Variants in GPC5 observed in about 807,000 individuals in gnomAD.
The protein encoded by GPC5 is glypican 5.
Under a neutral mutation model 53.9 loss-of-function variants are expected in GPC5, and 47 were observed. The observed-to-expected ratio is 0.87, with a 90% CI of 0.69 to 1.11. GPC5 has a LOEUF of 1.11. Ranked by LOEUF, GPC5 falls within the 50% of genes most tolerant of loss-of-function variation. The pLI is 0.00. For synonymous variants in GPC5, 286 were observed against 263.3 expected (o/e 1.09, Z -0.84); for missense variants, 748 against 713.1 (o/e 1.05, Z -0.56).
chr13:92,792,872 C>G (rs995205139), intron 7 of GPC5, among the ~76,000 whole-genome samples: 1 of 152,076 alleles, frequency 6.6e-6, no homozygotes, highest in Admixed American at 6.6e-5. Flanking sequence ...CTGCGGCACC[C>G]AGATTCATAA....
In GPC5 at chr13:91,693,655, C is replaced by G; in HGVS notation, c.794C>G (p.Ala265Gly). 1.2e-6 allele frequency: 2 copies of G among 1,614,102 alleles called. No homozygotes were observed. Among genetic ancestry groups the G allele is most frequent in the Non-Finnish European group, 1.7e-6 (2 of 1,179,974 alleles). The stretch of plus-strand genomic sequence containing the variant: ...TACTGCCCGCACTGCCAAGGCCTGG[C>G]GCTCACTAAGCCTTGTATGGGATAC... ...MQYCPHCQGL[A>G]LTKPCMGYCL... Residue 265 changes from alanine (A) to glycine (G), a missense_variant, in exon 3 of 8, where the codon GCG (alanine) becomes GGG (glycine). Transcript: ENST00000377067.
At chr13:92,317,838 T>C (rs1029710503) in intron 7 of GPC5, among the ~76,000 whole-genome samples, 1 of 152,116 alleles carries the variant, frequency 6.6e-6, no homozygotes, top group Non-Finnish European at 1.5e-5. Context: ...GTTAACATTT[T>C]AGTTGGACTC....
chr13:92,368,089 A>G (rs188677854), intron 7 of GPC5, among the ~76,000 whole-genome samples: 92 of 152,126 alleles, frequency 6.0e-4, no homozygotes, highest in Non-Finnish European at 1.0e-3. Context: ...GATTGAAGCG[A>G]TTCTTCTGCC....
At chr13:91,738,053 C>T (rs1257769389) in intron 4 of GPC5, among the ~76,000 whole-genome samples, 1 of 151,198 alleles carries the variant, frequency 6.6e-6, no homozygotes, top group East Asian at 1.9e-4. Context: ...TGAAGACAAA[C>T]TATTGAGAGG....
At chr13:92,715,538 AACAGGAACATATGATG>A in intron 7 of GPC5, among the ~76,000 whole-genome samples, 1 of 152,226 alleles carries the variant, frequency 6.6e-6, no homozygotes, top group East Asian at 1.9e-4. Flanking sequence ...ATTAACAATT[AACAGGAACATATGATG>A]ACTTCATTCA....
intron 7 of GPC5, among the ~76,000 whole-genome samples, chr13:92,407,395 A>G (rs1433962399): frequency 2.0e-5 from 3 of 152,176 alleles, no homozygotes; most frequent in East Asian, 1.9e-4. Flanking sequence ...GATATTCTCT[A>G]TATTTTTCTA....
intron 4 of GPC5, among the ~76,000 whole-genome samples, chr13:91,755,012 A>C (rs544963487): frequency 6.6e-6 from 1 of 152,216 alleles, no homozygotes; most frequent in Admixed American, 6.5e-5. Context: ...ACATATTTGA[A>C]AGTAATATTT....
intron 7 of GPC5, among the ~76,000 whole-genome samples, chr13:92,388,697 G>A (rs1874856245): frequency 6.6e-6 from 1 of 152,096 alleles, no homozygotes; most frequent in Non-Finnish European, 1.5e-5. Flanking sequence ...TGGAGAAGCA[G>A]ATCTTTGCTG....
chr13:91,422,777 G>C (rs1031914164), intron 1 of GPC5, among the ~76,000 whole-genome samples: 2 of 152,134 alleles, frequency 1.3e-5, no homozygotes, highest in Admixed American at 1.3e-4. Flanking sequence ...ATAACAAGAG[G>C]ATTCATGAGA....
chr13:92,350,501 C>T (rs1402411523), intron 7 of GPC5, among the ~76,000 whole-genome samples: 1 of 152,088 alleles, frequency 6.6e-6, no homozygotes, highest in Non-Finnish European at 1.5e-5. Context: ...CTCATAGAAG[C>T]AGAGAGCACA....
intron 7 of GPC5, among the ~76,000 whole-genome samples, chr13:92,159,275 G>A (rs1352377900): frequency 1.3e-5 from 2 of 152,120 alleles, no homozygotes; most frequent in East Asian, 1.9e-4. Context: ...AAAGCACTTC[G>A]TCTGGTTTCT....
intron 1 of GPC5, among the ~76,000 whole-genome samples, chr13:91,404,228 C>T (rs1308199357): frequency 6.6e-6 from 1 of 152,098 alleles, no homozygotes; most frequent in African/African-American, 2.4e-5. Flanking sequence ...TTTATAGTTA[C>T]CTGGTAAGAC....
At chr13:91,809,984 T>A (rs1325312423) in intron 5 of GPC5, among the ~76,000 whole-genome samples, 2 of 152,110 alleles carry the variant, frequency 1.3e-5, no homozygotes, top group East Asian at 3.9e-4. Context: ...TCTCAGGGAA[T>A]TATGTGCAAT....
intron 7 of GPC5, among the ~76,000 whole-genome samples, chr13:92,269,441 TGTC>T (rs537011852): frequency 1.3e-3 from 200 of 152,232 alleles, no homozygotes; most frequent in Non-Finnish European, 2.0e-3. Flanking sequence ...AGTCTCGCTC[TGTC>T]GTCCAGGCTG....
At chr13:92,591,706 C>T (rs1482835222) in intron 7 of GPC5, among the ~76,000 whole-genome samples, 2 of 152,098 alleles carry the variant, frequency 1.3e-5, no homozygotes, top group African/African-American at 2.4e-5. Context: ...TCCTATCTAA[C>T]TATAATTATA....
intron 7 of GPC5, among the ~76,000 whole-genome samples, chr13:92,621,706 G>T (rs1460622066): frequency 1.3e-5 from 2 of 151,974 alleles, no homozygotes; most frequent in Admixed American, 6.6e-5. Flanking sequence ...TGTAATCCCA[G>T]CTACATGGGG....
intron 2 of GPC5, among the ~76,000 whole-genome samples, chr13:91,606,336 G>A (rs1353414509): frequency 6.7e-6 from 1 of 148,428 alleles, no homozygotes; most frequent in African/African-American, 2.5e-5. Context: ...GCTTTTTGAT[G>A]TGCTGCTGGA....
intron 5 of GPC5, among the ~76,000 whole-genome samples, chr13:91,789,506 A>AT (rs924825359): frequency 1.3e-5 from 2 of 152,150 alleles, no homozygotes; most frequent in African/African-American, 4.8e-5. Context: ...TTTAGCATTA[A>AT]TTTTTTTCAA....
chr13:92,707,649 G>A (rs951394201), intron 7 of GPC5, among the ~76,000 whole-genome samples: 2 of 151,910 alleles, frequency 1.3e-5, no homozygotes, highest in Admixed American at 1.3e-4. Context: ...AAATGCATGT[G>A]TACTAAGAGC....
Sources: allele counts gnomAD v4.1 joint callset (sites outside exome capture counted in the v4.1 genomes callset), GRCh38; gene constraint gnomAD v4.1.1; transcripts MANE v1.5; gene names NCBI Gene and HGNC (gene_info 2026-07-23, HGNC 2026-07-21).